Variants in CCDC171 observed in about 807,000 individuals in gnomAD.
CCDC171 encodes coiled-coil domain-containing protein 171.
Under a neutral mutation model 168.2 loss-of-function variants are expected in CCDC171, and 177 were observed. The observed-to-expected ratio is 1.05, with a 90% CI of 0.93 to 1.19. The LOEUF (loss-of-function observed/expected upper bound fraction) is 1.19, where lower values mean the gene tolerates loss of function less well. Among genes scored for constraint, CCDC171 ranks in the 50% most tolerant of loss-of-function variants. The pLI is 0.00. For synonymous variants in CCDC171, 687 were observed against 540.8 expected, an observed-to-expected ratio of 1.27 and a Z score of -3.75; for missense variants, 1,991 against 1,539.0, an observed-to-expected ratio of 1.29 and a Z score of -4.91.
intron 21 of CCDC171, among the ~76,000 whole-genome samples, chr9:15,822,041 T>G (rs1228987990): frequency 6.6e-6 from 1 of 152,124 alleles, no homozygotes; most frequent in South Asian, 2.1e-4. Flanking sequence ...TATCTACAAC[T>G]ATCTGATCTT....
At chr9:15,722,162 T>C (rs1379689056) in intron 12 of CCDC171, among the ~76,000 whole-genome samples, 2 of 152,202 alleles carry the variant, frequency 1.3e-5, no homozygotes, top group African/African-American at 4.8e-5. Context: ...TGAAAAACAC[T>C]ATGCAAGTAG....
chr9:16,021,608 C>G (rs1833165499), intron 4 of CCDC171, among the ~76,000 whole-genome samples: 2 of 152,090 alleles, frequency 1.3e-5, no homozygotes, highest in Admixed American at 1.3e-4. Context: ...AAGTCTCTTA[C>G]TTGAAAAATG....
chr9:15,943,390 T>C (rs540600732), intron 25 of CCDC171, among the ~76,000 whole-genome samples: 1 of 152,036 alleles, frequency 6.6e-6, no homozygotes, highest in Non-Finnish European at 1.5e-5. Context: ...TGCTTGCTTT[T>C]ATTTCTGCAA....
intron 6 of CCDC171, among the ~76,000 whole-genome samples, chr9:15,600,030 A>G (rs772202024): frequency 2.0e-5 from 3 of 152,104 alleles, no homozygotes; most frequent in African/African-American, 7.2e-5. Flanking sequence ...TGCATTGGCT[A>G]TTCTAGTTAG....
At position 15,822,684 on chromosome 9, in the gene CCDC171, A is replaced by G. The variant is rs7467512; in HGVS notation, c.3268-24018A>G. 2.3e-3 allele frequency among the ~76,000 whole-genome samples: 349 copies of G among 152,326 alleles called. 2 individuals carry two copies. The highest frequency in any genetic ancestry group is 6.9e-3 in the Admixed American group (105 of 15,302). On this transcript the variant is annotated intron_variant, in intron 21 of 25. Transcript: ENST00000380701. ...GGCGATCATTAAAAAGTCAGGAAAC[A>G]GCAGGTGCTGGAGAGGATGTGGAGA... is the stretch of plus-strand genomic sequence containing the variant.
At chr9:15,851,431 T>G (rs200408761) in intron 23 of CCDC171, among the ~76,000 whole-genome samples, 1 of 35,730 alleles carries the variant, frequency 2.8e-5, no homozygotes, top group Non-Finnish European at 5.5e-5. Flanking sequence ...GACACTCTTT[T>G]GGGGGGGAAT....
intron 7 of CCDC171, among the ~76,000 whole-genome samples, chr9:15,625,691 G>T (rs762250970): frequency 6.6e-6 from 1 of 152,080 alleles, no homozygotes; most frequent in Non-Finnish European, 1.5e-5. Context: ...TGTTTTGGTA[G>T]CAGTACTATG....
intron 3 of CCDC171, among the ~76,000 whole-genome samples, chr9:15,574,082 G>A (rs1158273953): frequency 2.0e-5 from 3 of 151,442 alleles, no homozygotes; most frequent in African/African-American, 7.3e-5. Flanking sequence ...AATTATAATT[G>A]GTTCAACTCC....
intron 24 of CCDC171, among the ~76,000 whole-genome samples, chr9:15,887,038 T>C (rs1418710805): frequency 6.6e-6 from 1 of 152,142 alleles, no homozygotes; most frequent in Non-Finnish European, 1.5e-5. Flanking sequence ...ATGAATAATC[T>C]CTGGAGATCA....
At chr9:15,811,350 CAAAT>C (rs2059348050) in intron 21 of CCDC171, among the ~76,000 whole-genome samples, 1 of 152,128 alleles carries the variant, frequency 6.6e-6, no homozygotes, top group African/African-American at 2.4e-5. Context: ...AAACATTACA[CAAAT>C]AAATATGGAA....
rs568519004 is a variant in CCDC171 at position 15,818,021 on chromosome 9, G to T, written c.3268-28681G>T. On this transcript the variant is annotated intron_variant, in intron 21 of 25. Transcript: ENST00000380701. Reference sequence around the variant, plus strand: ...CTTCCAGAGGAACGATCAGGCAGCAGCATTTGCGGTTCACTAACATCTGCT... The same window carrying T: ...CTTCCAGAGGAACGATCAGGCAGCATCATTTGCGGTTCACTAACATCTGCT... Among the ~76,000 whole-genome samples the T allele has an allele frequency of 1.2e-3, 144 of 117,208 alleles. 41 individuals are homozygous for T. The highest frequency in any genetic ancestry group is 2.9e-3 in the Admixed American group (36 of 12,430). The allele number at this position is 117,208 out of a possible 152,430, so 76.9% of individuals were successfully genotyped here. A position where few individuals can be genotyped will look rare whatever the true frequency, so the allele number is the denominator to read the frequency against.
intron 22 of CCDC171, among the ~76,000 whole-genome samples, chr9:15,847,238 T>C (rs2060937905): frequency 6.6e-6 from 1 of 152,092 alleles, no homozygotes; most frequent in East Asian, 1.9e-4. Flanking sequence ...TATTATTATA[T>C]ACTAATATTG....
intron 1 of CCDC171, among the ~76,000 whole-genome samples, chr9:15,562,416 A>G (rs2039380935): frequency 6.6e-6 from 1 of 152,116 alleles, no homozygotes; most frequent in Non-Finnish European, 1.5e-5. Context: ...CTGGTTATAT[A>G]TCAGTGAGCT....
intron 16 of CCDC171, among the ~76,000 whole-genome samples, chr9:15,742,915 T>C (rs1056071854): frequency 7.2e-5 from 11 of 152,060 alleles, no homozygotes; most frequent in Non-Finnish European, 1.3e-4. Flanking sequence ...GCTAGAACTA[T>C]ACACATACCA....
At chr9:15,694,287 C>T (rs2051045242) in intron 10 of CCDC171, among the ~76,000 whole-genome samples, 1 of 152,150 alleles carries the variant, frequency 6.6e-6, no homozygotes, top group African/African-American at 2.4e-5. Context: ...AAACCTATAC[C>T]TGACCCTGCT....
chr9:15,729,818 A>C lies in CCDC171; in HGVS notation c.2049+20A>C, dbSNP rs2054043379. 6 of 1,583,192 alleles carry C rather than the reference A, an allele frequency of 3.8e-6. No individual in the cohort carries two copies. In the East Asian group the frequency reaches 1.3e-4, roughly 35 times the overall value. On this transcript the variant is annotated intron_variant, in intron 16 of 25. Transcript: ENST00000380701. ...GCACAGGTATGCTACCTTTACAAAG[A>C]GCTTTAAAAAATGGGTTACTCAGTG...
chr9:15,791,521 T>G (rs192563159), intron 21 of CCDC171, among the ~76,000 whole-genome samples: 3 of 152,224 alleles, frequency 2.0e-5, no homozygotes, highest in African/African-American at 7.2e-5. Context: ...TTTCTAGATA[T>G]ACAATCATGT....
chr9:15,805,993 T>C (rs543947217), intron 21 of CCDC171, among the ~76,000 whole-genome samples: 2 of 151,594 alleles, frequency 1.3e-5, no homozygotes, highest in East Asian at 3.9e-4. Context: ...TTGAATGTCT[T>C]TCTTTGTCTT....
chr9:16,075,875 C>T, the CCDC171 span, among the ~76,000 whole-genome samples: 12 of 152,198 alleles, frequency 7.9e-5, no homozygotes, highest in African/African-American at 2.4e-4. Context: ...CAGCACAGCA[C>T]AGCATAGCAT....
Sources: allele counts gnomAD v4.1 joint callset (sites outside exome capture counted in the v4.1 genomes callset), GRCh38; gene constraint gnomAD v4.1.1; transcripts MANE v1.5; gene names NCBI Gene and HGNC (gene_info 2026-07-23, HGNC 2026-07-21).